The following DGKB variants were observed in gnomAD, a reference collection of about 807,000 sequenced individuals.
The protein encoded by DGKB is diacylglycerol kinase beta, also known as 90 kDa diacylglycerol kinase.
A neutral mutation model predicts 114.3 loss-of-function variants in DGKB; 67 were observed. The observed-to-expected ratio is 0.59, with a 90% CI of 0.48 to 0.72. DGKB has a LOEUF of 0.72. Ranked by LOEUF, DGKB falls within the 30% of genes least tolerant of loss-of-function variation. The pLI is 0.00. For missense variants in DGKB, 907 were observed against 975.2 expected, an observed-to-expected ratio of 0.93 and a Z score of 0.93; for synonymous variants, 398 against 323.1, an observed-to-expected ratio of 1.23 and a Z score of -2.49.
chr7:14,234,630 C>A (rs888167990), intron 23 of DGKB, among the ~76,000 whole-genome samples: 11 of 151,992 alleles, frequency 7.2e-5, no homozygotes, highest in Non-Finnish European at 1.2e-4. Context: ...AACAAAAAAT[C>A]ATTCCAAAAT....
At chr7:14,402,270 A>G (rs762918262) in intron 21 of DGKB, among the ~76,000 whole-genome samples, 2 of 151,892 alleles carry the variant, frequency 1.3e-5, no homozygotes, top group Non-Finnish European at 2.9e-5. Context: ...AAATATTTCA[A>G]GCTAAATGAA....
At chr7:14,774,479 T>C (rs1024323038) in intron 2 of DGKB, among the ~76,000 whole-genome samples, 2 of 152,214 alleles carry the variant, frequency 1.3e-5, no homozygotes, top group African/African-American at 4.8e-5. Context: ...TCACATATTA[T>C]TATCACTATT....
intron 20 of DGKB, among the ~76,000 whole-genome samples, chr7:14,484,926 C>T (rs1192671813): frequency 6.6e-6 from 1 of 151,796 alleles, no homozygotes; most frequent in African/African-American, 2.4e-5. Flanking sequence ...TAAAGTTTCC[C>T]AGATATAGGA....
intron 18 of DGKB, among the ~76,000 whole-genome samples, chr7:14,582,308 CA>C (rs1206616188): frequency 1.3e-5 from 2 of 152,134 alleles, no homozygotes; most frequent in Non-Finnish European, 2.9e-5. Context: ...TCTGAAAAAG[CA>C]AATAATTTTC....
intron 15 of DGKB, 53 bp from the exon 16 acceptor site, chr7:14,613,466 G>GAA (rs1402619311): frequency 1.9e-5 from 16 of 855,738 alleles, no homozygotes; most frequent in Non-Finnish European, 2.6e-5. Context: ...TATATATGAA[G>GAA]AAGACTCCTT....
intron 2 of DGKB, among the ~76,000 whole-genome samples, chr7:14,800,913 A>G (rs765272865): frequency 6.6e-5 from 10 of 152,174 alleles, no homozygotes; most frequent in Non-Finnish European, 1.2e-4. Flanking sequence ...GAAAAGAGCC[A>G]TGACCAGTTG....
chr7:14,586,498 G>A (rs1451972394), intron 17 of DGKB, among the ~76,000 whole-genome samples: 1 of 152,134 alleles, frequency 6.6e-6, no homozygotes, highest in African/African-American at 2.4e-5. Flanking sequence ...AGAAGATCTA[G>A]CTACAATTAT....
intron 10 of DGKB, among the ~76,000 whole-genome samples, chr7:14,684,772 T>C (rs1821391622): frequency 6.6e-6 from 1 of 152,192 alleles, no homozygotes; most frequent in African/African-American, 2.4e-5. Flanking sequence ...AATTAGTTCG[T>C]ATATCTTGCG....
chr7:14,676,930 C>G (rs766960504), intron 12 of DGKB, among the ~76,000 whole-genome samples: 16 of 151,432 alleles, frequency 1.1e-4, no homozygotes, highest in Non-Finnish European at 1.8e-4. Context: ...CATAGAAATC[C>G]TTAGCTCATT....
chr7:14,920,553 C>G (rs1019326509), intron 1 of DGKB, among the ~76,000 whole-genome samples: 1 of 152,112 alleles, frequency 6.6e-6, no homozygotes, highest in Admixed American at 6.5e-5. Flanking sequence ...AGTGGGAATA[C>G]AAAATGTAAA....
At chr7:14,913,192 G>A (rs181383970) in intron 1 of DGKB, among the ~76,000 whole-genome samples, 1 of 151,868 alleles carries the variant, frequency 6.6e-6, no homozygotes, top group African/African-American at 2.4e-5. Context: ...TGATGGCGAT[G>A]TGACCTTTTC....
At chr7:14,743,489 T>G (rs1214607151) in intron 4 of DGKB, among the ~76,000 whole-genome samples, 1 of 152,170 alleles carries the variant, frequency 6.6e-6, no homozygotes, top group Non-Finnish European at 1.5e-5. Context: ...AAATCAAATT[T>G]CAGCTTCAAG....
intron 2 of DGKB, among the ~76,000 whole-genome samples, chr7:14,790,515 GT>G (rs1840524784): frequency 6.6e-6 from 1 of 151,560 alleles, no homozygotes; most frequent in Non-Finnish European, 1.5e-5. Flanking sequence ...TTGTTGGCTG[GT>G]TTATTTATTT....
chr7:14,661,519 C>A (rs1817074052), intron 13 of DGKB, among the ~76,000 whole-genome samples: 2 of 148,750 alleles, frequency 1.3e-5, no homozygotes, highest in African/African-American at 4.9e-5. Flanking sequence ...CATCTCACAC[C>A]AGTTAGAATG....
intron 13 of DGKB, among the ~76,000 whole-genome samples, chr7:14,671,029 G>A (rs1390639783): frequency 6.6e-6 from 1 of 152,144 alleles, no homozygotes; most frequent in African/African-American, 2.4e-5. Flanking sequence ...AATATATCGG[G>A]TATATGCACT....
intron 22 of DGKB, among the ~76,000 whole-genome samples, chr7:14,342,363 T>A (rs1162003539): frequency 6.6e-6 from 1 of 151,856 alleles, no homozygotes; most frequent in East Asian, 1.9e-4. Flanking sequence ...ATTCATGAAC[T>A]CTGTATCTTC....
chr7:14,355,887 G>T (rs777011194), intron 21 of DGKB, among the ~76,000 whole-genome samples: 10 of 152,250 alleles, frequency 6.6e-5, no homozygotes, highest in Middle Eastern at 3.4e-3. Context: ...GTAGAATTCG[G>T]CTGTGAATCC....
In DGKB at chr7:14,747,437, C is replaced by T. The variant is rs531589651; in HGVS notation, c.168+6491G>A. ...TTTCTTCAATGTGTTTCCTGGTTAACCCGTCCCTTTTCTTCTCTTGTTAGT... is the reference window on the plus strand; with the variant it reads ...TTTCTTCAATGTGTTTCCTGGTTAATCCGTCCCTTTTCTTCTCTTGTTAGT... On this transcript the variant is annotated intron_variant, in intron 4 of 25. Transcript: ENST00000402815. 2.6e-5 allele frequency among the ~76,000 whole-genome samples: 4 copies of T among 152,052 alleles called. No individual in the cohort carries two copies. In the East Asian group the frequency reaches 7.7e-4, roughly 29 times the overall value.
At chr7:14,843,389 C>T (rs1230368849) in intron 1 of DGKB, among the ~76,000 whole-genome samples, 1 of 117,168 alleles carries the variant, frequency 8.5e-6, no homozygotes, top group Non-Finnish European at 1.6e-5. Context: ...CTGCGGACTG[C>T]AGTGGCGCAA....
Sources: allele counts gnomAD v4.1 joint callset (sites outside exome capture counted in the v4.1 genomes callset), GRCh38; gene constraint gnomAD v4.1.1; transcripts MANE v1.5; gene names NCBI Gene and HGNC (gene_info 2026-07-23, HGNC 2026-07-21).